RBFOX1: variants seen among roughly 807,000 people sequenced by gnomAD.
The protein encoded by RBFOX1 is RNA binding protein fox-1 homolog 1.
RBFOX1 carries 8 observed loss-of-function variants against 57.7 expected under a neutral mutation model. That is an observed-to-expected ratio of 0.14 (90% confidence interval 0.08 to 0.25). The LOEUF is 0.25. Among genes scored for constraint, RBFOX1 ranks in the 10% least tolerant of loss-of-function variants. RBFOX1 has a pLI of 1.00. For synonymous variants in RBFOX1, 326 were observed against 222.4 expected, an observed-to-expected ratio of 1.47 and a Z score of -4.15; for missense variants, 611 against 548.5, an observed-to-expected ratio of 1.11 and a Z score of -1.14.
intron 4 of RBFOX1, among the ~76,000 whole-genome samples, chr16:7,080,501 C>T (rs1439735286): frequency 6.6e-6 from 1 of 152,048 alleles, no homozygotes; most frequent in Non-Finnish European, 1.5e-5. Context: ...TGTTTTTCCC[C>T]TTCATGTTTG....
chr16:6,620,447 A>ATT (rs2098212362), intron 2 of RBFOX1, among the ~76,000 whole-genome samples: 1 of 152,248 alleles, frequency 6.6e-6, no homozygotes, highest in Non-Finnish European at 1.5e-5. Context: ...CTGGAGAAAC[A>ATT]AGAGCAAACA....
chr16:7,488,238 C>G (rs1014450223), intron 4 of RBFOX1, among the ~76,000 whole-genome samples: 7 of 152,304 alleles, frequency 4.6e-5, no homozygotes, highest in Admixed American at 2.0e-4. Context: ...CACATACATG[C>G]TTAGCCTGGT....
chr16:6,239,117 C>T (rs539633162), intron 1 of RBFOX1, among the ~76,000 whole-genome samples: 1 of 152,106 alleles, frequency 6.6e-6, no homozygotes, highest in African/African-American at 2.4e-5. Flanking sequence ...TAAAGCCCAC[C>T]CCATTCCCAC....
intron 1 of RBFOX1, among the ~76,000 whole-genome samples, chr16:6,252,088 C>T (rs1051147205): frequency 2.0e-5 from 3 of 152,112 alleles, no homozygotes; most frequent in African/African-American, 7.2e-5. Flanking sequence ...TAAGCATCCT[C>T]ATGTTCTTCT....
chr16:5,611,115 A>G (rs921524119), intron 3 of RBFOX1: 2 of 152,130 alleles, frequency 1.3e-5, no homozygotes, highest in Non-Finnish European at 2.9e-5. Context: ...TCTCTGACCC[A>G]CATGTGCTCT....
intron 1 of RBFOX1, among the ~76,000 whole-genome samples, chr16:6,214,740 GGAGAAGGAGAAGGGGAGA>G (rs1288606590): frequency 7.8e-5 from 9 of 115,956 alleles, no homozygotes; most frequent in Non-Finnish European, 1.8e-5. Flanking sequence ...AGAAGGAGAG[GGAGAAGGAGAAGGGGAGA>G]GAGAAGGAGA....
chr16:5,722,746 A>C (rs1182293239), intron 3 of RBFOX1, among the ~76,000 whole-genome samples: 1 of 152,138 alleles, frequency 6.6e-6, no homozygotes, highest in Non-Finnish European at 1.5e-5. Flanking sequence ...TATGCTTGTA[A>C]TATTCCCTGC....
chr16:6,508,012 A>G (rs184979203), intron 2 of RBFOX1, among the ~76,000 whole-genome samples: 1 of 152,342 alleles, frequency 6.6e-6, no homozygotes, highest in Non-Finnish European at 1.5e-5. Flanking sequence ...GTACATATAC[A>G]TGATGGAATA....
chr16:6,471,796 C>A (rs776645076), intron 2 of RBFOX1, among the ~76,000 whole-genome samples: 3 of 152,118 alleles, frequency 2.0e-5, no homozygotes, highest in African/African-American at 7.2e-5. Context: ...ATGTCTTGTG[C>A]AATCCCAGCT....
chr16:7,211,524 A>C (rs2091135703), intron 4 of RBFOX1, among the ~76,000 whole-genome samples: 1 of 151,842 alleles, frequency 6.6e-6, no homozygotes, highest in African/African-American at 2.4e-5. Context: ...GGAATTAAAA[A>C]CTCCAAGGAG....
intron 1 of RBFOX1, among the ~76,000 whole-genome samples, chr16:6,040,574 C>T (rs184486759): frequency 1.8e-4 from 24 of 135,414 alleles, no homozygotes; most frequent in Non-Finnish European, 2.5e-4. Context: ...CTTTCTTTCT[C>T]TCTCTCTCTC....
At chr16:5,957,610 T>G (rs976161771) in intron 4 of RBFOX1, among the ~76,000 whole-genome samples, 1 of 152,212 alleles carries the variant, frequency 6.6e-6, no homozygotes, top group Admixed American at 6.5e-5. Context: ...CAGCAAGTAA[T>G]CTTCAATCAC....
intron 3 of RBFOX1, among the ~76,000 whole-genome samples, chr16:6,665,446 G>C (rs543162769): frequency 2.0e-5 from 3 of 151,950 alleles, no homozygotes; most frequent in African/African-American, 7.3e-5. Flanking sequence ...AAACCCCATC[G>C]CTGCTAAAAA....
At chr16:5,557,274 T>C (rs62018424) in intron 2 of RBFOX1, among the ~76,000 whole-genome samples, 44,831 of 134,884 alleles carry the variant, frequency 0.33, 7,865 homozygotes, top group East Asian at 0.76. Flanking sequence ...AATAAATAAA[T>C]AAATAAATAA....
Position 7,391,199 on chromosome 16 carries a change from G to A in RBFOX1, c.28-126948G>A, listed in dbSNP as rs377008687. Among the ~76,000 whole-genome samples the A allele has an allele frequency of 9.9e-5, 15 of 152,198 alleles. 1 individual carries two copies. In the East Asian group the frequency reaches 1.7e-3, roughly 18 times the overall value. On this transcript the variant is annotated intron_variant, in intron 4 of 15. Coordinates refer to ENST00000550418, the MANE Select transcript of RBFOX1 (RefSeq NM_018723.4). ...CCTGCACGTGACTGGCCCCACCTCC[G>A]TCCCACCTTGGTGTTAATCCCATGG... is the stretch of plus-strand genomic sequence containing the variant.
chr16:6,423,756 A>G (rs775476506), intron 2 of RBFOX1, among the ~76,000 whole-genome samples: 3 of 152,138 alleles, frequency 2.0e-5, no homozygotes, highest in Admixed American at 2.0e-4. Context: ...CAGCCGCCAG[A>G]TGAGAGTTCA....
chr16:6,680,590 C>T (rs2058504270), intron 3 of RBFOX1, among the ~76,000 whole-genome samples: 2 of 152,158 alleles, frequency 1.3e-5, no homozygotes, highest in African/African-American at 4.8e-5. Context: ...GACCTCCTAG[C>T]AGATGATTTG....
At chr16:5,812,485 G>T (rs1489373158) in intron 3 of RBFOX1, among the ~76,000 whole-genome samples, 1 of 146,270 alleles carries the variant, frequency 6.8e-6, no homozygotes. Flanking sequence ...CAGAGTTGGG[G>T]TCTCACTCTA....
intron 2 of RBFOX1, among the ~76,000 whole-genome samples, chr16:6,549,891 G>A (rs990291091): frequency 2.0e-5 from 3 of 152,098 alleles, no homozygotes; most frequent in Non-Finnish European, 2.9e-5. Context: ...GGACCCTTAC[G>A]TACTTTGACT....
Sources: gnomAD v4.1 joint callset for allele counts (sites outside exome capture counted in the v4.1 genomes callset) on GRCh38, gnomAD v4.1.1 for gene constraint, MANE v1.5 for transcripts, NCBI Gene and HGNC (gene_info 2026-07-23, HGNC 2026-07-21) for gene names.